The following SPATA16 variants were observed in gnomAD, a reference collection of about 807,000 sequenced individuals.
The protein encoded by SPATA16 is spermatogenesis-associated protein 16.
In SPATA16, 36 loss-of-function variants were observed where a neutral mutation model predicts 63.3. That is an observed-to-expected ratio of 0.57 (90% CI 0.44 to 0.75). SPATA16 has a LOEUF of 0.75. Ranked by LOEUF, SPATA16 falls within the 30% of genes least tolerant of loss-of-function variation. The pLI is 0.00. For synonymous variants in SPATA16, 203 were observed against 216.7 expected (o/e 0.94, Z 0.56); for missense variants, 646 against 679.3 (o/e 0.95, Z 0.54).
intron 8 of SPATA16, among the ~76,000 whole-genome samples, chr3:172,919,683 A>C (rs866365454): frequency 6.9e-6 from 1 of 145,050 alleles, no homozygotes. Flanking sequence ...TTAATTCTTT[A>C]TTTTTTTTTT....
intron 8 of SPATA16, among the ~76,000 whole-genome samples, chr3:172,919,343 C>T (rs145353147): frequency 6.6e-6 from 1 of 152,144 alleles, no homozygotes; most frequent in Admixed American, 6.5e-5. Context: ...GGGCTGCTGG[C>T]TGAATGGGGT....
intron 10 of SPATA16, among the ~76,000 whole-genome samples, chr3:172,891,111 TAGTTG>T (rs1475353865): frequency 2.0e-5 from 3 of 151,928 alleles, no homozygotes; most frequent in Non-Finnish European, 1.5e-5. Context: ...ATTACTTCAA[TAGTTG>T]AGTTGATGAT....
chr3:173,094,297 T>TATTTAAATAAATGA (rs1390586331), intron 2 of SPATA16, among the ~76,000 whole-genome samples: 17 of 152,186 alleles, frequency 1.1e-4, no homozygotes, highest in Non-Finnish European at 2.2e-4. Flanking sequence ...GCCTGGTAGC[T>TATTTAAATAAATGA]ATTTAAATAA....
At chr3:172,956,846 A>G (rs1321674529) in intron 5 of SPATA16, 22 bp from the exon 6 acceptor site, 1 of 1,613,034 alleles carries the variant, frequency 6.2e-7, no homozygotes. Context: ...CAAACAACCC[A>G]TTTGGCATCA....
intron 4 of SPATA16, among the ~76,000 whole-genome samples, chr3:172,992,163 A>G (rs1734592665): frequency 6.6e-6 from 1 of 151,994 alleles, no homozygotes. Context: ...ATGCAGGCAG[A>G]TGATGCTCTT....
At chr3:173,005,747 C>T (rs921943111) in intron 4 of SPATA16, among the ~76,000 whole-genome samples, 7 of 152,052 alleles carry the variant, frequency 4.6e-5, no homozygotes, top group African/African-American at 1.2e-4. Context: ...TTTTGGATGT[C>T]CTTATCAACA....
intron 6 of SPATA16, among the ~76,000 whole-genome samples, chr3:172,946,045 C>T (rs1358554265): frequency 9.2e-5 from 14 of 152,160 alleles, no homozygotes; most frequent in Non-Finnish European, 2.9e-5. Flanking sequence ...AACTTGGATA[C>T]CAGCCCAGCC....
intron 3 of SPATA16, among the ~76,000 whole-genome samples, chr3:173,042,037 T>G (rs1418779302): frequency 6.6e-6 from 1 of 152,198 alleles, no homozygotes; most frequent in Non-Finnish European, 1.5e-5. Flanking sequence ...CTATTACTTC[T>G]ATTATGAATC....
intron 2 of SPATA16, among the ~76,000 whole-genome samples, chr3:173,113,506 A>G (rs1050396327): frequency 1.3e-5 from 2 of 152,256 alleles, no homozygotes; most frequent in Admixed American, 6.5e-5. Context: ...AATGCCTGCT[A>G]TGTTACAAAA....
chr3:172,957,920 A>G (rs1299418848), intron 5 of SPATA16, among the ~76,000 whole-genome samples: 1 of 152,188 alleles, frequency 6.6e-6, no homozygotes, highest in Non-Finnish European at 1.5e-5. Context: ...CTCTATGATC[A>G]TCTACATTGC....
intron 6 of SPATA16, among the ~76,000 whole-genome samples, chr3:172,941,769 A>C (rs1277720807): frequency 6.6e-6 from 1 of 152,166 alleles, no homozygotes; most frequent in African/African-American, 2.4e-5. Flanking sequence ...ATTATAGATA[A>C]ATGTTGATTA....
At chr3:173,116,417 A>C (rs1001379648) in intron 2 of SPATA16, among the ~76,000 whole-genome samples, 1 of 152,216 alleles carries the variant, frequency 6.6e-6, no homozygotes, top group Non-Finnish European at 1.5e-5. Context: ...TGGTCCTTCT[A>C]TAGGTACAGT....
intron 4 of SPATA16, among the ~76,000 whole-genome samples, chr3:173,009,464 A>G (rs1201857942): frequency 1.3e-5 from 2 of 152,242 alleles, no homozygotes; most frequent in Admixed American, 6.5e-5. Context: ...GTCTCCAGAC[A>G]GACACAGAGA....
intron 4 of SPATA16, among the ~76,000 whole-genome samples, chr3:172,981,042 C>T (rs1734299740): frequency 6.6e-6 from 1 of 152,100 alleles, no homozygotes; most frequent in African/African-American, 2.4e-5. Flanking sequence ...AATTTTCAGT[C>T]TTCATTTTCT....
intron 6 of SPATA16, among the ~76,000 whole-genome samples, chr3:172,937,276 C>T (rs1329321352): frequency 6.6e-6 from 1 of 151,982 alleles, no homozygotes; most frequent in Non-Finnish European, 1.5e-5. Context: ...GGAGGAGGAA[C>T]CTTTGATTGG....
rs188316088 is a variant in SPATA16 at position 173,071,529 on chromosome 3, G to A, written c.613-22435C>T. Among the ~76,000 whole-genome samples the A allele has an allele frequency of 3.2e-3, 489 of 152,210 alleles. 2 individuals are homozygous for A. Among genetic ancestry groups the A allele is most frequent in the African/African-American group, 0.011 (472 of 41,542 alleles). ...CAACAAAGTGAAGGGACAACCCACA[G>A]GATGGGAGAAAATATTTGCAGACTA... On this transcript the variant is annotated intron_variant, in intron 2 of 10. Coordinates refer to ENST00000351008, the MANE Select transcript of SPATA16 (RefSeq NM_031955.6).
At chr3:173,043,155 G>A (rs915211379) in intron 3 of SPATA16, among the ~76,000 whole-genome samples, 2 of 151,944 alleles carry the variant, frequency 1.3e-5, no homozygotes, top group Non-Finnish European at 2.9e-5. Context: ...ACATATGTTT[G>A]ATGTAATTAC....
chr3:173,061,575 G>A (rs1736379291), intron 2 of SPATA16, among the ~76,000 whole-genome samples: 1 of 152,158 alleles, frequency 6.6e-6, no homozygotes, highest in Non-Finnish European at 1.5e-5. Flanking sequence ...TTTCTTTTCA[G>A]ATATCAAACT....
At chr3:172,899,481 T>C (rs1432659344) in intron 10 of SPATA16, among the ~76,000 whole-genome samples, 1 of 152,048 alleles carries the variant, frequency 6.6e-6, no homozygotes, top group African/African-American at 2.4e-5. Flanking sequence ...GTTTACATGA[T>C]ATTTCTTTTT....
Sources: allele counts gnomAD v4.1 joint callset (sites outside exome capture counted in the v4.1 genomes callset), GRCh38; gene constraint gnomAD v4.1.1; transcripts MANE v1.5; gene names NCBI Gene and HGNC (gene_info 2026-07-23, HGNC 2026-07-21).